Variants in CLEC20A observed in about 807,000 individuals in gnomAD.
CLEC20A encodes the protein putative C-type lectin domain family 20 member A.
At chr1:178,495,370 T>G (rs747517167) in intron 1 of CLEC20A, among the ~76,000 whole-genome samples, 16 of 152,206 alleles carry the variant, frequency 1.1e-4, no homozygotes, top group Non-Finnish European at 2.2e-4. Flanking sequence ...CAGGCCCATA[T>G]CCATGGCAGG....
chr1:178,482,986 T>G (rs1649030835), intron 6 of CLEC20A, 189 bp downstream of exon 6: 1 of 387,716 alleles, frequency 2.6e-6, no homozygotes, highest in African/African-American at 2.1e-5. Context: ...ATTCAGAAAC[T>G]TGTCCCCTAA....
upstream of CLEC20A, among the ~76,000 whole-genome samples, chr1:178,498,933 C>T (rs1174192837): frequency 2.0e-5 from 3 of 152,214 alleles, no homozygotes; most frequent in East Asian, 3.9e-4. Flanking sequence ...GCAATGGCCT[C>T]GGATAACTTC....
intron 1 of CLEC20A, among the ~76,000 whole-genome samples, chr1:178,495,712 G>A (rs1199324079): frequency 1.3e-5 from 2 of 152,096 alleles, no homozygotes; most frequent in African/African-American, 2.4e-5. Context: ...AGGGAGGGAG[G>A]AAGGAAAGAG....
At chr1:178,479,715 T>C in intron 7 of CLEC20A, 100 bp from the exon 8 acceptor site, 1 of 391,836 alleles carries the variant, frequency 2.6e-6, no homozygotes, top group Non-Finnish European at 4.5e-6. Flanking sequence ...TGCATATCCA[T>C]ACCCTGTAAT....
chr1:178,487,076 C>T (rs1014131857), intron 5 of CLEC20A, among the ~76,000 whole-genome samples: 4 of 152,194 alleles, frequency 2.6e-5, no homozygotes, highest in African/African-American at 4.8e-5. Context: ...GAGAAGACTT[C>T]TGTGGGGTCC....
At chr1:178,482,096 A>AC (rs1239230774) in intron 7 of CLEC20A, 4 of 381,288 alleles carry the variant, frequency 1.0e-5, no homozygotes, top group African/African-American at 8.7e-5. Context: ...AAAACAACAA[A>AC]AAAAAAAACT....
At chr1:178,497,477 G>A (rs1280412236), upstream of CLEC20A, among the ~76,000 whole-genome samples, 1 of 152,212 alleles carries the variant, frequency 6.6e-6, no homozygotes, top group East Asian at 1.9e-4. Context: ...CGCCCAGAAG[G>A]AAGGACTTCA....
chr1:178,479,699 C>A (rs758142948), intron 7 of CLEC20A, 84 bp from the exon 8 acceptor site: 7 of 396,148 alleles, frequency 1.8e-5, no homozygotes, highest in Non-Finnish European at 4.4e-6. Flanking sequence ...ATCCGTATAC[C>A]CTTTATGCAT....
At chr1:178,492,206 C>T (rs895448137) in intron 3 of CLEC20A, among the ~76,000 whole-genome samples, 21 of 152,062 alleles carry the variant, frequency 1.4e-4, no homozygotes, top group Middle Eastern at 3.4e-3. Flanking sequence ...GATCAGCCAC[C>T]GGGAATGTCG....
At chr1:178,494,761 C>T (rs897388420) in exon 2 of CLEC20A, 14 of 399,174 alleles carry the variant, frequency 3.5e-5, no homozygotes, top group East Asian at 2.5e-4. Context: ...ACCAGCTCAG[C>T]GCCTCCTTCA....
chr1:178,497,779 T>A (rs545048764), upstream of CLEC20A, among the ~76,000 whole-genome samples: 8 of 152,216 alleles, frequency 5.3e-5, no homozygotes, highest in Middle Eastern at 3.4e-3. Flanking sequence ...CTCCTGCAAC[T>A]TAGGAGGAAG....
chr1:178,490,310 T>C (rs2101872031), exon 4 of CLEC20A: 1 of 398,704 alleles, frequency 2.5e-6, no homozygotes, highest in Non-Finnish European at 4.4e-6. Flanking sequence ...CCTCCTTGCC[T>C]GTCTCATCCG....
In CLEC20A at chr1:178,490,332, AG is replaced by A. The variant is rs1321858669; in HGVS notation, c.568del (p.Leu190CysfsTer4). 6.8e-5 allele frequency: 27 copies of A among 398,588 alleles called. No homozygotes were observed. Among genetic ancestry groups the A allele is most frequent in the Non-Finnish European group, 1.1e-4 (25 of 226,128 alleles). 24.7% of individuals were successfully genotyped at this position (398,588 alleles called of 1,614,324 possible). A position where few individuals can be genotyped will look rare whatever the true frequency, so the allele number is the denominator to read the frequency against. On this transcript the variant is annotated frameshift_variant, in exon 4 of 8. Transcript: ENST00000623247. LOFTEE classifies it high-confidence loss of function. The stretch of plus-strand genomic sequence containing the variant: ...GCCTGTCTCATCCGTCACCATCTGC[AG>A]GTCGGCCAGATCCGTGTGGTGGCTG...
intron 5 of CLEC20A, chr1:178,484,433 A>G (rs1317349087): frequency 6.6e-6 from 1 of 152,148 alleles, no homozygotes; most frequent in Non-Finnish European, 1.5e-5. Flanking sequence ...TCACACCTGT[A>G]ATCTCAACAC....
chr1:178,488,721 G>A (rs1171330283), intron 4 of CLEC20A, 122 bp from the exon 5 acceptor site: 13 of 396,580 alleles, frequency 3.3e-5, no homozygotes, highest in Admixed American at 2.2e-4. Flanking sequence ...TCAGGAGGGC[G>A]CAGTTATTGT....
At chr1:178,488,271 G>A (rs1649195853) in intron 5 of CLEC20A, among the ~76,000 whole-genome samples, 1 of 152,240 alleles carries the variant, frequency 6.6e-6, no homozygotes, top group Non-Finnish European at 1.5e-5. Context: ...GGAAAAGGGA[G>A]TTTGATGTGG....
chr1:178,492,944 G>A (rs1332281657), intron 2 of CLEC20A, among the ~76,000 whole-genome samples: 4 of 152,346 alleles, frequency 2.6e-5, no homozygotes, highest in Middle Eastern at 6.8e-3. Context: ...GAGGGGAGGC[G>A]AGGCCTGATG....
intron 5 of CLEC20A, chr1:178,484,705 G>GC (rs147497122): frequency 0.04 from 6,004 of 151,886 alleles, 152 homozygotes; most frequent in Non-Finnish European, 0.062. Flanking sequence ...AAAACAAAAA[G>GC]CAAAAAAAAG....
intron 3 of CLEC20A, among the ~76,000 whole-genome samples, chr1:178,491,827 AC>A (rs1481603041): frequency 6.6e-6 from 1 of 152,080 alleles, no homozygotes; most frequent in Non-Finnish European, 1.5e-5. Context: ...AAGCCGCCCC[AC>A]CCCTAGATGG....
Sources: gnomAD v4.1 joint callset for allele counts (sites outside exome capture counted in the v4.1 genomes callset) on GRCh38, gnomAD v4.1.1 for gene constraint, MANE v1.5 for transcripts, NCBI Gene and HGNC (gene_info 2026-07-23, HGNC 2026-07-21) for gene names.